The following AKAP9 variants were observed in gnomAD, a reference collection of about 807,000 sequenced individuals.
The protein encoded by AKAP9 is A-kinase anchoring protein 9, also known as A-kinase anchor protein 9.
Under a neutral mutation model 488.5 loss-of-function variants are expected in AKAP9, and 311 were observed. That is an observed-to-expected ratio of 0.64 (90% CI 0.58 to 0.70). The LOEUF (loss-of-function observed/expected upper bound fraction) is 0.70, where lower values mean the gene tolerates loss of function less well. AKAP9 is among the 30% of genes least tolerant of loss of function. The pLI is 0.00. For missense variants in AKAP9, 4,215 were observed against 4,374.5 expected, an observed-to-expected ratio of 0.96 and a Z score of 1.03; for synonymous variants, 1,462 against 1,483.5, an observed-to-expected ratio of 0.99 and a Z score of 0.33.
At chr7:92,089,559 C>T (rs1161907294) in intron 38 of AKAP9, 30 bp downstream of exon 38, 1 of 1,606,658 alleles carries the variant, frequency 6.2e-7, no homozygotes, top group East Asian at 2.2e-5. Context: ...CATATGGTTA[C>T]ACAAACAGGT....
rs1157033855 is a variant in AKAP9 at position 91,999,334 on chromosome 7, T to A, written c.931-1514T>A. ...TCTGCCCTCTGGGTTCATGTGATTC[T>A]CCTGCCTCAGCCTCCTGAGTAGCTG... On this transcript the variant is annotated intron_variant, in intron 7 of 49. Transcript: ENST00000356239. 2.0e-5 allele frequency among the ~76,000 whole-genome samples: 3 copies of A among 152,220 alleles called. No homozygotes were observed. In the East Asian group the frequency reaches 5.8e-4, roughly 29 times the overall value.
intron 16 of AKAP9, among the ~76,000 whole-genome samples, chr7:92,033,155 TACTC>T (rs1226746326): frequency 6.6e-6 from 1 of 152,172 alleles, no homozygotes; most frequent in African/African-American, 2.4e-5. Context: ...TATAAAGCAT[TACTC>T]ACTCAAGCTG....
chr7:92,079,985 A>G lies in AKAP9; in HGVS notation c.7852A>G (p.Met2618Val). 1 of 1,577,632 alleles carries G rather than the reference A, an allele frequency of 6.3e-7. No individual in the cohort carries two copies. The highest frequency in any genetic ancestry group is 1.2e-5 in the South Asian group (1 of 83,228). The change falls in exon 31 of 50, where the codon ATG becomes GTG. Residue 2618 changes from methionine to valine, a missense_variant. By Grantham distance (21) the Met-to-Val change is conservative. Transcript: ENST00000356239. The part of the protein sequence containing the change: ...ISELESQVVE[M>V]HTSLILEKEQ... ...AGAATTAGAAAGCCAGGTTGTTGAAATGCATACTAGTTTGATTTTAGAAAA... is the reference window on the plus strand; with the variant it reads ...AGAATTAGAAAGCCAGGTTGTTGAAGTGCATACTAGTTTGATTTTAGAAAA...
chr7:91,963,441 T>C (rs28735847), intron 1 of AKAP9, among the ~76,000 whole-genome samples: 60,378 of 151,114 alleles, frequency 0.4, 12,363 homozygotes, highest in African/African-American at 0.46. Context: ...ACAAAATAAG[T>C]ATAAAATATG....
At chr7:91,944,200 AAG>A (rs908535784) in intron 1 of AKAP9, among the ~76,000 whole-genome samples, 1 of 152,182 alleles carries the variant, frequency 6.6e-6, no homozygotes, top group African/African-American at 2.4e-5. Flanking sequence ...CCAGGTTAAA[AAG>A]AAAAAAGTTA....
intron 1 of AKAP9, among the ~76,000 whole-genome samples, chr7:91,964,019 C>T (rs1176997423): frequency 6.6e-6 from 1 of 152,034 alleles, no homozygotes; most frequent in African/African-American, 2.4e-5. Flanking sequence ...CCAAAGAGCT[C>T]AAATTCAATT....
chr7:92,059,552 G>T (rs1353948928), intron 22 of AKAP9, among the ~76,000 whole-genome samples: 1 of 151,464 alleles, frequency 6.6e-6, no homozygotes, highest in Non-Finnish European at 1.5e-5. Flanking sequence ...TAGAAGCAAA[G>T]GCTTATTTAA....
intron 3 of AKAP9, among the ~76,000 whole-genome samples, chr7:91,983,466 G>A (rs1307411939): frequency 6.6e-6 from 1 of 152,176 alleles, no homozygotes; most frequent in Middle Eastern, 3.2e-3. Context: ...GGACATTTGG[G>A]TTGGTTCCAA....
At chr7:92,039,316 G>A (rs2130778609) in intron 17 of AKAP9, among the ~76,000 whole-genome samples, 1 of 152,298 alleles carries the variant, frequency 6.6e-6, no homozygotes, top group South Asian at 2.1e-4. Flanking sequence ...TCTTAAAGAT[G>A]TTGTACCTGG....
chr7:91,993,064 A>C lies in AKAP9; in HGVS notation c.576+9A>C. ...CTGAAGGACTGCAGCAGGTATGTTT[A>C]TTTTCTGTGGCTTTTGATTTGCTAC... On this transcript the variant is annotated intron_variant, in intron 5 of 49. Transcript: ENST00000356239. 6.2e-7 allele frequency: 1 copy of C among 1,613,924 alleles called. No individual in the cohort carries two copies. The highest frequency in any genetic ancestry group is 8.5e-7 in the Non-Finnish European group (1 of 1,179,894).
At chr7:91,967,836 C>T (rs116267861) in intron 1 of AKAP9, among the ~76,000 whole-genome samples, 2,186 of 152,250 alleles carry the variant, frequency 0.014, 45 homozygotes, top group African/African-American at 0.05. Context: ...GAAGTACTCC[C>T]TTCTCTTAAG....
intron 36 of AKAP9, among the ~76,000 whole-genome samples, chr7:92,086,004 C>T (rs1326435484): frequency 2.6e-5 from 4 of 151,968 alleles, no homozygotes; most frequent in Non-Finnish European, 4.4e-5. Context: ...TCAGGAGAAT[C>T]GCTTGAACCT....
At chr7:92,027,268 C>T (rs1237926179) in intron 14 of AKAP9, among the ~76,000 whole-genome samples, 3 of 130,022 alleles carry the variant, frequency 2.3e-5, no homozygotes, top group Non-Finnish European at 3.2e-5. Context: ...GTGAGGAGCA[C>T]TTCTGCCCAG....
intron 10 of AKAP9, among the ~76,000 whole-genome samples, chr7:92,015,566 G>T (rs1801393787): frequency 6.6e-6 from 1 of 151,978 alleles, no homozygotes; most frequent in South Asian, 2.1e-4. Flanking sequence ...GTTTTGCCAT[G>T]TTGGCCAGGC....
chr7:92,020,937 T>C (rs1802232559), intron 12 of AKAP9, among the ~76,000 whole-genome samples: 1 of 152,196 alleles, frequency 6.6e-6, no homozygotes, highest in Non-Finnish European at 1.5e-5. Context: ...TACAGTATCC[T>C]TTGTTCATCT....
chr7:92,084,468 A>G (rs116180090), intron 33 of AKAP9, among the ~76,000 whole-genome samples, 172 bp from the exon 34 acceptor site: 49 of 151,908 alleles, frequency 3.2e-4, no homozygotes, highest in African/African-American at 1.1e-3. Context: ...TCTTATGGTA[A>G]TATTCATGAA....
chr7:91,993,585 T>C (rs1364592739), intron 5 of AKAP9, among the ~76,000 whole-genome samples: 3 of 151,966 alleles, frequency 2.0e-5, no homozygotes, highest in African/African-American at 7.3e-5. Flanking sequence ...ACATTGGGAG[T>C]CCCTGTCTCT....
intron 22 of AKAP9, among the ~76,000 whole-genome samples, chr7:92,057,305 T>C (rs1043261081): frequency 3.9e-5 from 6 of 152,132 alleles, no homozygotes; most frequent in Non-Finnish European, 5.9e-5. Context: ...GAATAACTTA[T>C]TACTAATGTG....
intron 1 of AKAP9, among the ~76,000 whole-genome samples, chr7:91,957,758 A>G (rs1270664203): frequency 6.6e-6 from 1 of 152,208 alleles, no homozygotes; most frequent in Admixed American, 6.5e-5. Context: ...ATTTCAGCAG[A>G]CACAAATTCT....
Sources: gnomAD v4.1 joint callset for allele counts (sites outside exome capture counted in the v4.1 genomes callset) on GRCh38, gnomAD v4.1.1 for gene constraint, MANE v1.5 for transcripts, NCBI Gene and HGNC (gene_info 2026-07-23, HGNC 2026-07-21) for gene names.